HACD3: variants seen among roughly 807,000 people sequenced by gnomAD.
HACD3 encodes very-long-chain (3R)-3-hydroxyacyl-CoA dehydratase 3.
In HACD3, 30 loss-of-function variants were observed where a neutral mutation model predicts 55.2. That is an observed-to-expected ratio of 0.54 (90% CI 0.41 to 0.74). The LOEUF is 0.74. Among genes scored for constraint, HACD3 ranks in the 30% least tolerant of loss-of-function variants. The pLI, the probability that HACD3 is intolerant of heterozygous loss-of-function variation, is 0.00. For synonymous variants in HACD3, 141 were observed against 151.7 expected (o/e 0.93, Z 0.52); for missense variants, 363 against 440.1 (o/e 0.82, Z 1.57).
At chr15:65,542,995 A>C (rs2072036651) in intron 1 of HACD3, among the ~76,000 whole-genome samples, 1 of 150,640 alleles carries the variant, frequency 6.6e-6, no homozygotes, top group Non-Finnish European at 1.5e-5. Context: ...AATCGCTTGA[A>C]CCCAGGAGGC....
intron 7 of HACD3, among the ~76,000 whole-genome samples, chr15:65,569,618 G>T (rs1351821366): frequency 2.0e-5 from 3 of 152,098 alleles, no homozygotes; most frequent in Non-Finnish European, 4.4e-5. Context: ...TGAAGTGGGA[G>T]GATTGCTTGA....
At chr15:65,554,781 A>G in intron 2 of HACD3, 106 bp from the exon 3 acceptor site, 1 of 768,896 alleles carries the variant, frequency 1.3e-6, no homozygotes, top group Non-Finnish European at 2.2e-6. Context: ...TCTCAAAAAA[A>G]AAAAAGTGTA....
At chr15:65,575,697 G>A (rs1181611287) in intron 10 of HACD3, among the ~76,000 whole-genome samples, 3 of 152,128 alleles carry the variant, frequency 2.0e-5, no homozygotes, top group African/African-American at 7.2e-5. Flanking sequence ...ATAGGGATGT[G>A]ATATAGCCAA....
At chr15:65,546,608 T>G (rs904156872) in intron 1 of HACD3, among the ~76,000 whole-genome samples, 7 of 152,198 alleles carry the variant, frequency 4.6e-5, no homozygotes, top group Admixed American at 4.6e-4. Context: ...TTTCTTTTTT[T>G]ACTTGAGACA....
chr15:65,541,840 A>G (rs429735), intron 1 of HACD3, among the ~76,000 whole-genome samples: 131,774 of 152,138 alleles, frequency 0.87, 58,277 homozygotes, highest in East Asian at 0.95. Context: ...TAAGGTCTTT[A>G]TGAGCTGATA....
intron 1 of HACD3, among the ~76,000 whole-genome samples, chr15:65,549,125 T>C (rs893638757): frequency 2.6e-5 from 4 of 152,032 alleles, no homozygotes; most frequent in African/African-American, 4.8e-5. Flanking sequence ...CAACTAAAAG[T>C]GTTGAATAAA....
chr15:65,571,471 T>C (rs2072346869), intron 8 of HACD3, 77 bp from the exon 9 acceptor site: 5 of 1,029,246 alleles, frequency 4.9e-6, no homozygotes, highest in Non-Finnish European at 7.4e-6. Flanking sequence ...ATAGAATTCT[T>C]CTATTTAAAT....
chr15:65,561,621 A>G (rs931152888), intron 5 of HACD3, among the ~76,000 whole-genome samples: 27 of 152,278 alleles, frequency 1.8e-4, no homozygotes, highest in African/African-American at 6.5e-4. Context: ...TTCTTACTCA[A>G]CAACAATCAA....
At chr15:65,533,726 A>T (rs2071925568) in intron 1 of HACD3, among the ~76,000 whole-genome samples, 1 of 141,124 alleles carries the variant, frequency 7.1e-6, no homozygotes, top group Non-Finnish European at 1.5e-5. Context: ...GTGGTTTTAC[A>T]TGTGCAGATT....
chr15:65,542,286 C>G (rs934462034), intron 1 of HACD3, among the ~76,000 whole-genome samples: 1 of 148,370 alleles, frequency 6.7e-6, no homozygotes, highest in African/African-American at 2.5e-5. Flanking sequence ...TTGTTTGAGA[C>G]AGGGTCTCAC....
intron 7 of HACD3, among the ~76,000 whole-genome samples, chr15:65,569,576 C>A (rs1382256387): frequency 6.6e-6 from 1 of 151,954 alleles, no homozygotes; most frequent in Non-Finnish European, 1.5e-5. Context: ...TGTGGTAGTA[C>A]ACACACCTGT....
At chr15:65,550,445 G>A (rs1302466953) in intron 1 of HACD3, among the ~76,000 whole-genome samples, 4 of 152,186 alleles carry the variant, frequency 2.6e-5, no homozygotes, top group South Asian at 4.1e-4. Flanking sequence ...AATAAAGACA[G>A]TTTCTATAAA....
rs535482481 is a variant in HACD3 at position 65,559,560 on chromosome 15, C to G, written c.421+829C>G. ...TTTCAAACTGTGTTCCATGGTGCCC[C>G]AGGGGGTTCCCAGAGATGCTTTGGA... On this transcript the variant is annotated intron_variant, in intron 5 of 10. Coordinates refer to ENST00000261875, the MANE Select transcript of HACD3 (RefSeq NM_016395.4). Among the ~76,000 whole-genome samples the G allele has an allele frequency of 8.6e-5, 13 of 151,410 alleles. No individual in the cohort carries two copies. In the South Asian group the frequency reaches 2.7e-3, roughly 32 times the overall value.
At chr15:65,554,016 G>T (rs1247064449) in intron 2 of HACD3, among the ~76,000 whole-genome samples, 1 of 152,226 alleles carries the variant, frequency 6.6e-6, no homozygotes. Context: ...GCGAAAGATT[G>T]TATTTCTTTT....
chr15:65,546,628 T>C (rs1311650544), intron 1 of HACD3, among the ~76,000 whole-genome samples: 1 of 152,194 alleles, frequency 6.6e-6, no homozygotes, highest in African/African-American at 2.4e-5. Flanking sequence ...AGGGTCTTGC[T>C]CTGTCACCCA....
At chr15:65,541,826 A>G (rs2072021721) in intron 1 of HACD3, among the ~76,000 whole-genome samples, 1 of 152,244 alleles carries the variant, frequency 6.6e-6, no homozygotes, top group Admixed American at 6.5e-5. Flanking sequence ...ATAACAAGAA[A>G]GAGTAAGGTC....
Position 65,572,300 on chromosome 15 carries a change from T to C in HACD3, c.946T>C (p.Tyr316His). ...ETGRFSFTLPYPVKIKVRFSF... is the reference protein window; with the variant it reads ...ETGRFSFTLPHPVKIKVRFSF... Reference sequence around the variant, plus strand: ...CGGACGATTCAGTTTCACATTGCCATATCCAGTGAAAATCAAAGTTAGATT... The same window carrying C: ...CGGACGATTCAGTTTCACATTGCCACATCCAGTGAAAATCAAAGTTAGATT... The change falls in exon 10 of 11, where the codon TAT becomes CAT. Residue 316 changes from tyrosine to histidine, a missense_variant. Physicochemically the swap from Tyr to His is moderately conservative, Grantham distance 83. Coordinates refer to ENST00000261875, the MANE Select transcript of HACD3 (RefSeq NM_016395.4). The C allele has an allele frequency of 1.2e-6, 2 of 1,613,364 alleles. No individual in the cohort carries two copies. Among genetic ancestry groups the C allele is most frequent in the Non-Finnish European group, 1.7e-6 (2 of 1,179,774 alleles).
chr15:65,537,362 TAGAG>T (rs2071964702), intron 1 of HACD3, among the ~76,000 whole-genome samples: 1 of 152,150 alleles, frequency 6.6e-6, no homozygotes, highest in Non-Finnish European at 1.5e-5. Context: ...CTTTTATAGT[TAGAG>T]AGAAGTCAAT....
intron 1 of HACD3, among the ~76,000 whole-genome samples, chr15:65,537,934 GAAAAAAAAAAAAAAA>G (rs1167167112): frequency 8.4e-5 from 2 of 23,948 alleles, no homozygotes; most frequent in African/African-American, 2.9e-4. Context: ...CAACTTCTCA[GAAAAAAAAAAAAAAA>G]AAAAAAAAAA....
Sources: gnomAD v4.1 joint callset for allele counts (sites outside exome capture counted in the v4.1 genomes callset) on GRCh38, gnomAD v4.1.1 for gene constraint, MANE v1.5 for transcripts, NCBI Gene and HGNC (gene_info 2026-07-23, HGNC 2026-07-21) for gene names.